Variants in PPFIA2 observed in about 807,000 individuals in gnomAD.
PPFIA2 encodes the protein PPFI scaffold protein A2.
Under a neutral mutation model 175.5 loss-of-function variants are expected in PPFIA2, and 46 were observed. The ratio of observed to expected loss-of-function variants is 0.26; its 90% CI spans 0.21 to 0.34. PPFIA2 has a LOEUF of 0.34. Ranked by LOEUF, PPFIA2 falls within the 10% of genes least tolerant of loss-of-function variation. PPFIA2 has a pLI of 1.00. For synonymous variants in PPFIA2, 568 were observed against 511.4 expected, an observed-to-expected ratio of 1.11 and a Z score of -1.49; for missense variants, 1,179 against 1,506.1, an observed-to-expected ratio of 0.78 and a Z score of 3.60.
intron 4 of PPFIA2, among the ~76,000 whole-genome samples, chr12:81,534,621 A>G (rs182579839): frequency 1.9e-3 from 283 of 151,828 alleles, no homozygotes; most frequent in Non-Finnish European, 2.7e-3. Context: ...TTCAAATTTA[A>G]CTCAAAAATT....
chr12:81,630,448 G>T (rs2063236259), intron 4 of PPFIA2, among the ~76,000 whole-genome samples: 1 of 152,096 alleles, frequency 6.6e-6, no homozygotes, highest in Non-Finnish European at 1.5e-5. Flanking sequence ...GAACATACAG[G>T]TTACACTTCC....
At chr12:81,506,796 T>C (rs11114890) in intron 4 of PPFIA2, among the ~76,000 whole-genome samples, 1 of 152,206 alleles carries the variant, frequency 6.6e-6, no homozygotes, top group Non-Finnish European at 1.5e-5. Flanking sequence ...TACAGTCTCT[T>C]TCCTGCCACT....
intron 3 of PPFIA2, among the ~76,000 whole-genome samples, chr12:81,691,966 T>C (rs1159408846): frequency 6.6e-5 from 10 of 152,114 alleles, no homozygotes; most frequent in Non-Finnish European, 1.5e-4. Context: ...TCCCCCTCTC[T>C]TACATGTAGA....
At chr12:81,612,492 C>A (rs985113614) in intron 4 of PPFIA2, among the ~76,000 whole-genome samples, 9 of 151,844 alleles carry the variant, frequency 5.9e-5, no homozygotes, top group African/African-American at 2.2e-4. Flanking sequence ...ATTAGAGGAT[C>A]CCAAGAAAAA....
intron 4 of PPFIA2, among the ~76,000 whole-genome samples, chr12:81,563,475 C>G (rs2070635974): frequency 6.6e-6 from 1 of 152,184 alleles, no homozygotes; most frequent in African/African-American, 2.4e-5. Context: ...AACGTGTTTA[C>G]TCCATACTCA....
intron 3 of PPFIA2, among the ~76,000 whole-genome samples, chr12:81,736,272 T>C (rs2081562702): frequency 6.6e-6 from 1 of 152,056 alleles, no homozygotes; most frequent in Non-Finnish European, 1.5e-5. Flanking sequence ...ATGTATTTTG[T>C]TTAATTTACT....
At chr12:81,518,472 C>T (rs188385772) in intron 4 of PPFIA2, among the ~76,000 whole-genome samples, 64 of 152,286 alleles carry the variant, frequency 4.2e-4, no homozygotes, top group Non-Finnish European at 7.1e-4. Flanking sequence ...CACTCCTCCA[C>T]GCTTTCTCAT....
At chr12:81,625,158 T>C (rs2062552263) in intron 4 of PPFIA2, among the ~76,000 whole-genome samples, 1 of 151,800 alleles carries the variant, frequency 6.6e-6, no homozygotes, top group Admixed American at 6.6e-5. Flanking sequence ...TACACACATA[T>C]ATATATCTGT....
intron 4 of PPFIA2, among the ~76,000 whole-genome samples, chr12:81,472,366 A>G (rs1187270130): frequency 6.6e-6 from 1 of 152,234 alleles, no homozygotes; most frequent in African/African-American, 2.4e-5. Context: ...TGTTGTTGCA[A>G]TAAAGCTGTT....
rs2031212334 is a variant in PPFIA2, at chr12:81,362,477, C to A, written c.1637+216G>T. ...ATGAAATGCAGAATACAAAAGTTAACATTTTAATTTTTTATTGATTATCTA... is the reference window on the plus strand; with the variant it reads ...ATGAAATGCAGAATACAAAAGTTAAAATTTTAATTTTTTATTGATTATCTA... On this transcript the variant is annotated intron_variant, in intron 15 of 32. Transcript: ENST00000549396. 2.6e-5 allele frequency among the ~76,000 whole-genome samples: 4 copies of A among 151,252 alleles called. No homozygotes were observed. In the South Asian group the frequency reaches 8.3e-4, roughly 31 times the overall value.
chr12:81,329,171 A>C (rs2055540412), intron 21 of PPFIA2, among the ~76,000 whole-genome samples: 1 of 152,078 alleles, frequency 6.6e-6, no homozygotes, highest in Non-Finnish European at 1.5e-5. Flanking sequence ...ACTAGGGGTT[A>C]CTCATTCTTC....
chr12:81,610,649 A>AT (rs2060802299), intron 4 of PPFIA2, among the ~76,000 whole-genome samples: 1 of 151,870 alleles, frequency 6.6e-6, no homozygotes, highest in African/African-American at 2.4e-5. Flanking sequence ...GATTCCCTGG[A>AT]TTTTTTGGAT....
intron 4 of PPFIA2, among the ~76,000 whole-genome samples, chr12:81,601,194 T>C (rs1355310457): frequency 1.3e-5 from 2 of 151,944 alleles, no homozygotes; most frequent in Admixed American, 1.3e-4. Context: ...TATATAATTA[T>C]TTTAAGTACA....
intron 22 of PPFIA2, among the ~76,000 whole-genome samples, chr12:81,301,475 C>T (rs534801759): frequency 6.6e-5 from 10 of 152,198 alleles, no homozygotes; most frequent in South Asian, 6.2e-4. Flanking sequence ...AATATTAGAA[C>T]GCTTTCATTT....
At chr12:81,624,743 T>C (rs2062494076) in intron 4 of PPFIA2, among the ~76,000 whole-genome samples, 1 of 150,668 alleles carries the variant, frequency 6.6e-6, no homozygotes, top group Non-Finnish European at 1.5e-5. Context: ...AACCAAAAAC[T>C]GTAGGTTCTC....
chr12:81,655,267 C>T (rs1173157398), intron 4 of PPFIA2, among the ~76,000 whole-genome samples: 1 of 151,634 alleles, frequency 6.6e-6, no homozygotes, highest in African/African-American at 2.4e-5. Flanking sequence ...TGCCTTTATC[C>T]TCTATATTAA....
intron 4 of PPFIA2, among the ~76,000 whole-genome samples, chr12:81,601,295 T>C (rs1427256750): frequency 6.6e-6 from 1 of 151,982 alleles, no homozygotes; most frequent in Admixed American, 6.6e-5. Context: ...TAATGTTATC[T>C]CGTAATTCTG....
chr12:81,584,989 T>TTTATATA (rs1491144374), intron 4 of PPFIA2, among the ~76,000 whole-genome samples: 4 of 21,316 alleles, frequency 1.9e-4, no homozygotes, highest in Non-Finnish European at 3.2e-4. Context: ...TAATTATATT[T>TTTATATA]ATATATAATA....
chr12:81,571,770 T>G (rs528585494), intron 4 of PPFIA2, among the ~76,000 whole-genome samples: 1 of 152,228 alleles, frequency 6.6e-6, no homozygotes. Flanking sequence ...ATTTACAGAG[T>G]ACTATAACTG....
Sources: gnomAD v4.1 joint callset for allele counts (sites outside exome capture counted in the v4.1 genomes callset) on GRCh38, gnomAD v4.1.1 for gene constraint, MANE v1.5 for transcripts, NCBI Gene and HGNC (gene_info 2026-07-23, HGNC 2026-07-21) for gene names.